PHACTR3: variants seen among roughly 807,000 people sequenced by gnomAD.
The protein encoded by PHACTR3 is protein phosphatase 1, regulatory subunit 123.
Under a neutral mutation model 66.8 loss-of-function variants are expected in PHACTR3, and 16 were observed. The ratio of observed to expected loss-of-function variants is 0.24; its 90% CI spans 0.16 to 0.36. PHACTR3 has a LOEUF of 0.36. PHACTR3 is among the 10% of genes least tolerant of loss of function. The pLI is 1.00. For synonymous variants in PHACTR3, 323 were observed against 292.1 expected (o/e 1.11, Z -1.08); for missense variants, 647 against 719.9 (o/e 0.90, Z 1.16).
chr20:59,650,338 T>C (rs1377154426), intron 1 of PHACTR3, among the ~76,000 whole-genome samples: 1 of 152,170 alleles, frequency 6.6e-6, no homozygotes, highest in Non-Finnish European at 1.5e-5. Flanking sequence ...AGAATAAATA[T>C]ATGAAGCTGT....
intron 8 of PHACTR3, among the ~76,000 whole-genome samples, chr20:59,807,681 C>T (rs188421673): frequency 6.6e-6 from 1 of 152,268 alleles, no homozygotes; most frequent in East Asian, 1.9e-4. Flanking sequence ...TCGCCACACA[C>T]GTTAGGAACG....
At chr20:59,630,973 G>C (rs1039620064) in intron 1 of PHACTR3, among the ~76,000 whole-genome samples, 27 of 152,214 alleles carry the variant, frequency 1.8e-4, no homozygotes, top group African/African-American at 6.3e-4. Context: ...GGGTGGGTCT[G>C]TGGGGTTTCT....
chr20:59,594,963 C>T (rs767161787), intron 1 of PHACTR3, among the ~76,000 whole-genome samples: 12 of 152,260 alleles, frequency 7.9e-5, no homozygotes, highest in Middle Eastern at 3.4e-3. Flanking sequence ...TCTCACAGCA[C>T]CCACGAATTT....
At chr20:59,819,956 T>C (rs2041990029) in intron 8 of PHACTR3, among the ~76,000 whole-genome samples, 1 of 152,256 alleles carries the variant, frequency 6.6e-6, no homozygotes, top group African/African-American at 2.4e-5. Context: ...TGTTGGCATT[T>C]AGCAATTTAT....
chr20:59,781,880 A>G (rs2146925934), intron 7 of PHACTR3, among the ~76,000 whole-genome samples: 1 of 152,266 alleles, frequency 6.6e-6, no homozygotes, highest in South Asian at 2.1e-4. Flanking sequence ...AGCCCCCACA[A>G]TCCCATGAGT....
Position 59,643,821 on chromosome 20 carries a change from G to T in PHACTR3, c.118+38689G>T, listed in dbSNP as rs112885745. ...TATTGGATTCTAAGTGAAAAGGGGGGTGGGGATAGAAGGCCTTCTGCCTCG... is the reference window on the plus strand; with the variant it reads ...TATTGGATTCTAAGTGAAAAGGGGGTTGGGGATAGAAGGCCTTCTGCCTCG... On this transcript the variant is annotated intron_variant, in intron 1 of 12. Coordinates refer to ENST00000371015, the MANE Select transcript of PHACTR3 (RefSeq NM_080672.5). Among the ~76,000 whole-genome samples the T allele has an allele frequency of 2.6e-5, 4 of 152,160 alleles. No individual in the cohort carries two copies. In the East Asian group the frequency reaches 5.8e-4, roughly 22 times the overall value.
chr20:59,740,840 G>A (rs1456546489), intron 1 of PHACTR3, among the ~76,000 whole-genome samples: 1 of 152,238 alleles, frequency 6.6e-6, no homozygotes, highest in African/African-American at 2.4e-5. Context: ...GCCATGTGGG[G>A]CCTTGGGCCC....
chr20:59,602,223 A>G (rs531182388), upstream of PHACTR3, among the ~76,000 whole-genome samples: 16 of 152,204 alleles, frequency 1.1e-4, no homozygotes, highest in South Asian at 3.3e-3. Context: ...CCCCCCACCA[A>G]TGCCAGCCAG....
At chr20:59,768,114 C>T (rs890414378) in intron 5 of PHACTR3, among the ~76,000 whole-genome samples, 1 of 152,250 alleles carries the variant, frequency 6.6e-6, no homozygotes, top group Non-Finnish European at 1.5e-5. Flanking sequence ...CAGTCATACA[C>T]TTATGTAGCT....
intron 1 of PHACTR3, among the ~76,000 whole-genome samples, chr20:59,661,544 T>C (rs535167961): frequency 3.9e-5 from 6 of 152,182 alleles, no homozygotes; most frequent in Non-Finnish European, 8.8e-5. Context: ...CAATGGACAA[T>C]GGACAGGACC....
At chr20:59,796,912 T>C (rs2041266392) in intron 7 of PHACTR3, among the ~76,000 whole-genome samples, 2 of 152,354 alleles carry the variant, frequency 1.3e-5, no homozygotes, top group Admixed American at 6.5e-5. Flanking sequence ...CATGGGAATT[T>C]TTCACCTGTA....
At chr20:59,635,112 T>TTTCC (rs2034806030) in intron 1 of PHACTR3, among the ~76,000 whole-genome samples, 2 of 66,160 alleles carry the variant, frequency 3.0e-5, no homozygotes, top group African/African-American at 1.1e-4. Flanking sequence ...TCTTTCTTTC[T>TTTCC]TTCTTTCTTT....
At position 59,738,915 on chromosome 20, in the gene PHACTR3, C is replaced by T. The variant is rs980460067; in HGVS notation, c.119-4192C>T. 6.6e-6 allele frequency among the ~76,000 whole-genome samples: 1 copy of T among 152,156 alleles called. No homozygotes were observed. The highest frequency in any genetic ancestry group is 1.5e-5 in the Non-Finnish European group (1 of 68,020). On this transcript the variant is annotated intron_variant, in intron 1 of 12. Coordinates refer to ENST00000371015, the MANE Select transcript of PHACTR3 (RefSeq NM_080672.5). The surrounding 1 kb of genome is among the most constrained non-coding windows in gnomAD (Gnocchi z 4.4). The stretch of plus-strand genomic sequence containing the variant: ...AGCCCATCCTTCCCCTCGTGCAAAG[C>T]ATGCTCAGGACAGCAGGCTTTCCCA...
At chr20:59,711,784 G>A (rs1396371680) in intron 1 of PHACTR3, among the ~76,000 whole-genome samples, 4 of 152,136 alleles carry the variant, frequency 2.6e-5, no homozygotes, top group African/African-American at 2.4e-5. Context: ...TAGAACCATC[G>A]TAAGTCAGGG....
chr20:59,754,108 G>C (rs2039697461), intron 3 of PHACTR3, among the ~76,000 whole-genome samples: 1 of 152,264 alleles, frequency 6.6e-6, no homozygotes, highest in African/African-American at 2.4e-5. Flanking sequence ...GCATGGGGCT[G>C]TAACGTGCAT....
intron 7 of PHACTR3, among the ~76,000 whole-genome samples, chr20:59,776,464 G>A (rs898417356): frequency 1.3e-5 from 2 of 152,136 alleles, no homozygotes; most frequent in African/African-American, 2.4e-5. Context: ...CCTGGCTCAG[G>A]GTGCACCTCG....
At chr20:59,687,786 G>A (rs2426814) in intron 1 of PHACTR3, among the ~76,000 whole-genome samples, 14,277 of 152,112 alleles carry the variant, frequency 0.094, 862 homozygotes, top group South Asian at 0.22. Flanking sequence ...TTCCAGATGG[G>A]CACCGTAGCA....
At chr20:59,779,051 G>A (rs571324398) in intron 7 of PHACTR3, among the ~76,000 whole-genome samples, 11 of 152,218 alleles carry the variant, frequency 7.2e-5, no homozygotes, top group Non-Finnish European at 1.5e-4. Flanking sequence ...CCTTTTGTGG[G>A]CCAAGGTCAG....
intron 1 of PHACTR3, among the ~76,000 whole-genome samples, chr20:59,624,902 T>C (rs193145995): frequency 1.8e-4 from 27 of 152,206 alleles, no homozygotes; most frequent in Non-Finnish European, 3.4e-4. Flanking sequence ...TATTATTAAC[T>C]CAAGTTCATA....
Sources: allele counts gnomAD v4.1 joint callset (sites outside exome capture counted in the v4.1 genomes callset), GRCh38; gene constraint gnomAD v4.1.1; non-coding constraint Gnocchi (gnomAD v3.1); transcripts MANE v1.5; gene names NCBI Gene and HGNC (gene_info 2026-07-23, HGNC 2026-07-21).